MCM10: variants seen among roughly 807,000 people sequenced by gnomAD.
MCM10 encodes minichromosome maintenance 10 replication initiation factor.
A neutral mutation model predicts 109.9 loss-of-function variants in MCM10; 91 were observed. The ratio of observed to expected loss-of-function variants is 0.83; its 90% CI spans 0.70 to 0.99. MCM10 has a LOEUF of 0.99. Ranked by LOEUF, MCM10 falls within the 50% of genes least tolerant of loss-of-function variation. The probability of loss-of-function intolerance (pLI) is 0.00; values close to 1 mark genes in which losing one functional copy is unlikely to be tolerated. For synonymous variants in MCM10, 380 were observed against 387.2 expected (o/e 0.98, Z 0.22); for missense variants, 1,077 against 1,061.2 (o/e 1.01, Z -0.21).
Position 13,175,557 on chromosome 10 carries a change from C to G in MCM10, c.640C>G (p.Leu214Val). Residue 214 changes from leucine to valine, a missense_variant, in exon 6 of 20, where the codon CTA becomes GTA. Leu to Val is a conservative substitution (Grantham distance 32). Transcript: ENST00000378714. ...SRMTSAPSQPLQTISRNKPSG... is the reference protein window; with the variant it reads ...SRMTSAPSQPVQTISRNKPSG... ...GATGACAAGTGCACCCTCCCAACCC[C>G]TACAGACGATTTCTCGGAACAAACC... is the stretch of plus-strand genomic sequence containing the variant. 1.2e-6 allele frequency: 2 copies of G among 1,614,134 alleles called. No homozygotes were observed. The highest frequency in any genetic ancestry group is 1.7e-6 in the Non-Finnish European group (2 of 1,179,980).
In MCM10 at chr10:13,197,780, C is replaced by A. The variant is rs1158514932; in HGVS notation, c.2119+13C>A. The A allele has an allele frequency of 1.9e-6, 3 of 1,604,170 alleles. No individual in the cohort carries two copies. Among genetic ancestry groups the A allele is most frequent in the Non-Finnish European group, 2.5e-6 (3 of 1,177,582 alleles). On this transcript the variant is annotated intron_variant, in intron 15 of 19. Coordinates refer to ENST00000378714, the MANE Select transcript of MCM10 (RefSeq NM_018518.5). ...TTTTCTTCTCAAGGTACTGCAGTTT[C>A]ACAGTTAACAGTGGGAAAGAGAAAC...
chr10:13,164,336 T>C lies in MCM10; in HGVS notation c.7+127T>C, dbSNP rs79099034. The C allele has an allele frequency of 1.1e-3, 915 of 803,444 alleles. 4 individuals are homozygous for C. The African/African-American group carries it at 0.013, about 11-fold the overall frequency. The allele number at this position is 803,444 out of a possible 1,614,324, so 49.8% of individuals were successfully genotyped here. A position where few individuals can be genotyped will look rare whatever the true frequency, so the allele number is the denominator to read the frequency against. On this transcript the variant is annotated intron_variant, in intron 2 of 19. Coordinates refer to ENST00000378714, the MANE Select transcript of MCM10 (RefSeq NM_018518.5). ...CAGCCCTCAGGTATTGTCTTAGTGG[T>C]TCTGAAGCAATCTCACATCTCACAG...
At position 13,209,396 on chromosome 10, in the gene MCM10, T is replaced by G; in HGVS notation, c.*86T>G. On this transcript the variant is annotated 3_prime_UTR_variant, in exon 20 of 20. Coordinates refer to ENST00000378714, the MANE Select transcript of MCM10 (RefSeq NM_018518.5). The stretch of plus-strand genomic sequence containing the variant: ...GATTGGCTGTGTATTGTCCATTGAT[T>G]CCTGATTGACGCCGTCAAAAACAAA... 9.6e-7 allele frequency: 1 copy of G among 1,045,054 alleles called. No individual in the cohort carries two copies. The highest frequency in any genetic ancestry group is 1.5e-6 in the Non-Finnish European group (1 of 684,354). 64.7% of individuals were successfully genotyped at this position (1,045,054 alleles called of 1,614,324 possible). A position where few individuals can be genotyped will look rare whatever the true frequency, so the allele number is the denominator to read the frequency against.
rs528579297 is a variant in MCM10, at chr10:13,179,643, GT to G, written c.765-793del. On this transcript the variant is annotated intron_variant, in intron 6 of 19. Coordinates refer to ENST00000378714, the MANE Select transcript of MCM10 (RefSeq NM_018518.5). ...GAAACAAATGTTAATAACCCTAAGA[GT>G]TTTTTGACTCAGTCATTAGGAATAA... Among the ~76,000 whole-genome samples, 13 of 152,200 alleles carry G rather than the reference GT, an allele frequency of 8.5e-5. No homozygotes were observed. The East Asian group carries it at 2.5e-3, about 29-fold the overall frequency.
chr10:13,175,792 C>A, intron 6 of MCM10, 111 bp downstream of exon 6: 1 of 744,294 alleles, frequency 1.3e-6, no homozygotes, highest in Non-Finnish European at 2.2e-6. Flanking sequence ...ACACCAGCAG[C>A]TCTTGAACTG....
At chr10:13,174,280 C>G (rs1240494537) in intron 5 of MCM10, among the ~76,000 whole-genome samples, 1 of 151,662 alleles carries the variant, frequency 6.6e-6, no homozygotes, top group Non-Finnish European at 1.5e-5. Flanking sequence ...GTAGCATGCC[C>G]CACCATGCCC....
chr10:13,194,097 C>T (rs1042593147), intron 13 of MCM10, among the ~76,000 whole-genome samples: 2 of 152,170 alleles, frequency 1.3e-5, no homozygotes, highest in African/African-American at 4.8e-5. Context: ...GGCTTGGTGG[C>T]TTATGTCTGT....
At chr10:13,202,895 A>G (rs3781077) in intron 17 of MCM10, among the ~76,000 whole-genome samples, 3,562 of 152,144 alleles carry the variant, frequency 0.023, 115 homozygotes, top group African/African-American at 0.068. Context: ...CCCAGGTTGG[A>G]GTGCAGTGGC....
intron 5 of MCM10, among the ~76,000 whole-genome samples, chr10:13,174,245 TGATTCTC>T (rs1418472886): frequency 1.4e-5 from 2 of 146,922 alleles, no homozygotes; most frequent in Non-Finnish European, 3.0e-5. Flanking sequence ...TGGGTTCAAG[TGATTCTC>T]CTGCCTCAGC....
chr10:13,182,985 G>A lies in MCM10; in HGVS notation c.983G>A (p.Cys328Tyr), dbSNP rs914754255. Reference sequence around the variant, plus strand: ...AATGATCTTCGTGACCTGACACAATGTGTGTCCTTGTTCTTATTTGGAGAA... The same window carrying A: ...AATGATCTTCGTGACCTGACACAATATGTGTCCTTGTTCTTATTTGGAGAA... Reference protein sequence around the residue: ...KLNDLRDLTQCVSLFLFGEVH... With the variant: ...KLNDLRDLTQYVSLFLFGEVH... The change falls in exon 8 of 20, where the codon TGT becomes TAT. Residue 328 changes from cysteine to tyrosine, a missense_variant. Cys to Tyr is a radical substitution (Grantham distance 194, BLOSUM62 -2). Transcript: ENST00000378714. This position sits in a 1 kb window ranked among gnomAD's most constrained non-coding sequence, Gnocchi z 4.2. The A allele has an allele frequency of 3.1e-6, 5 of 1,613,888 alleles. No homozygotes were observed. The highest frequency in any genetic ancestry group is 1.1e-5 in the South Asian group (1 of 91,078).
At chr10:13,188,121 G>A (rs530301446) in intron 9 of MCM10, among the ~76,000 whole-genome samples, 38 of 152,076 alleles carry the variant, frequency 2.5e-4, no homozygotes, top group African/African-American at 8.4e-4. Context: ...CTCCAGCCTG[G>A]GTGACAGAGC....
chr10:13,193,020 G>A (rs974174237), intron 13 of MCM10, among the ~76,000 whole-genome samples: 1 of 151,940 alleles, frequency 6.6e-6, no homozygotes, highest in East Asian at 1.9e-4. Context: ...CAAGTAGTTG[G>A]GACTACAGGC....
chr10:13,179,046 G>T (rs1834176789), intron 6 of MCM10, among the ~76,000 whole-genome samples: 1 of 152,130 alleles, frequency 6.6e-6, no homozygotes, highest in Admixed American at 6.5e-5. Flanking sequence ...TTTGAATATT[G>T]ATTTTGTATC....
intron 5 of MCM10, among the ~76,000 whole-genome samples, chr10:13,173,385 C>G (rs1588467395): frequency 6.6e-6 from 1 of 152,144 alleles, no homozygotes; most frequent in Admixed American, 6.6e-5. Context: ...TTATTTGAAG[C>G]CAGGTCGTAT....
At chr10:13,199,396 TTA>T (rs760399041) in intron 16 of MCM10, among the ~76,000 whole-genome samples, 3 of 152,168 alleles carry the variant, frequency 2.0e-5, no homozygotes, top group Non-Finnish European at 4.4e-5. Flanking sequence ...GGCTGTGAAA[TTA>T]TGTTTAAATG....
At chr10:13,165,227 T>C (rs10906316) in intron 2 of MCM10, among the ~76,000 whole-genome samples, 50,897 of 152,044 alleles carry the variant, frequency 0.33, 10,350 homozygotes, top group Non-Finnish European at 0.46. Context: ...ATGGAACAAT[T>C]ATGACAATAT....
intron 8 of MCM10, among the ~76,000 whole-genome samples, chr10:13,183,422 A>G (rs1181207982): frequency 1.3e-5 from 2 of 152,260 alleles, no homozygotes; most frequent in East Asian, 3.9e-4. Context: ...CTAGGTAACA[A>G]AGTAAGACCC....
chr10:13,181,637 A>C (rs142573877), intron 7 of MCM10, among the ~76,000 whole-genome samples: 1 of 152,272 alleles, frequency 6.6e-6, no homozygotes, highest in Non-Finnish European at 1.5e-5. Context: ...ACGTTTACCT[A>C]TGTAACAAAC....
intron 9 of MCM10, among the ~76,000 whole-genome samples, chr10:13,187,118 C>T (rs1470240365): frequency 6.6e-6 from 1 of 152,284 alleles, no homozygotes; most frequent in Admixed American, 6.5e-5. Flanking sequence ...ACCCAGTACC[C>T]ACTAGCAATC....
Sources: allele counts gnomAD v4.1 joint callset (sites outside exome capture counted in the v4.1 genomes callset), GRCh38; gene constraint gnomAD v4.1.1; non-coding constraint Gnocchi (gnomAD v3.1); transcripts MANE v1.5; gene names NCBI Gene and HGNC (gene_info 2026-07-23, HGNC 2026-07-21).